Variants in COMMD7 observed in about 807,000 individuals in gnomAD.
COMMD7 encodes COMM domain containing 7.
In COMMD7, 28 loss-of-function variants were observed where a neutral mutation model predicts 34.8. That is an observed-to-expected ratio of 0.80 (90% CI 0.60 to 1.10). COMMD7 has a LOEUF of 1.10. Ranked by LOEUF, COMMD7 falls within the 50% of genes least tolerant of loss-of-function variation. The probability of loss-of-function intolerance (pLI) is 0.00; values close to 1 mark genes in which losing one functional copy is unlikely to be tolerated. For synonymous variants in COMMD7, 80 were observed against 86.4 expected, an observed-to-expected ratio of 0.93 and a Z score of 0.41; for missense variants, 211 against 241.6, an observed-to-expected ratio of 0.87 and a Z score of 0.84.
intron 3 of COMMD7, among the ~76,000 whole-genome samples, chr20:32,712,038 G>A (rs554215614): frequency 4.4e-4 from 67 of 151,644 alleles, no homozygotes; most frequent in Admixed American, 2.5e-3. Flanking sequence ...TTGGGAGTCC[G>A]AGGTGGGCAG....
At chr20:32,732,358 T>C (rs1350003797) in intron 1 of COMMD7, among the ~76,000 whole-genome samples, 8 of 152,050 alleles carry the variant, frequency 5.3e-5, no homozygotes, top group African/African-American at 1.4e-4. Flanking sequence ...CCCTAAGAAC[T>C]GGGATTATAG....
chr20:32,710,421 C>T (rs975247584), intron 3 of COMMD7, among the ~76,000 whole-genome samples: 8 of 152,018 alleles, frequency 5.3e-5, no homozygotes, highest in Non-Finnish European at 1.0e-4. Context: ...TGCAAGAATC[C>T]TTACAATGGA....
chr20:32,711,132 C>T lies in COMMD7; in HGVS notation c.242-4372G>A, dbSNP rs139561945. On this transcript the variant is annotated intron_variant, in intron 3 of 8. Coordinates refer to ENST00000278980, the MANE Select transcript of COMMD7 (RefSeq NM_053041.3). ...GTTACTTTGGCCGGGGGTGGTGGCT[C>T]ACGCCCATAATCCCAGCACTTTGGG... Among the ~76,000 whole-genome samples, 1,032 of 151,680 alleles carry T rather than the reference C, an allele frequency of 6.8e-3. 10 individuals carry two copies. The highest frequency in any genetic ancestry group is 0.024 in the African/African-American group (987 of 41,326).
chr20:32,725,121 A>G (rs1312425010), intron 3 of COMMD7, among the ~76,000 whole-genome samples: 1 of 151,900 alleles, frequency 6.6e-6, no homozygotes, highest in Non-Finnish European at 1.5e-5. Flanking sequence ...ATCCAACAAC[A>G]GGATATAGAT....
chr20:32,738,741 T>A (rs1203662343), intron 1 of COMMD7, among the ~76,000 whole-genome samples: 2 of 152,014 alleles, frequency 1.3e-5, no homozygotes, highest in Non-Finnish European at 2.9e-5. Context: ...TTTTATTTAC[T>A]TATTTATTTG....
chr20:32,732,820 C>CA (rs1473540822), intron 1 of COMMD7, among the ~76,000 whole-genome samples: 4 of 151,984 alleles, frequency 2.6e-5, no homozygotes, highest in Non-Finnish European at 4.4e-5. Flanking sequence ...CCTGTAGTCC[C>CA]AGCTACTCGG....
chr20:32,735,461 C>T (rs189912244), intron 1 of COMMD7, among the ~76,000 whole-genome samples: 5 of 151,114 alleles, frequency 3.3e-5, no homozygotes, highest in South Asian at 2.1e-4. Flanking sequence ...GGATTATAAG[C>T]GTGCACTACC....
intron 1 of COMMD7, among the ~76,000 whole-genome samples, chr20:32,728,814 C>T (rs1357138606): frequency 2.6e-5 from 4 of 152,098 alleles, no homozygotes; most frequent in African/African-American, 7.2e-5. Flanking sequence ...GATCTACCCA[C>T]GTCAGCCTCC....
At chr20:32,714,121 AAAC>A (rs1402501891) in intron 3 of COMMD7, among the ~76,000 whole-genome samples, 2 of 152,094 alleles carry the variant, frequency 1.3e-5, no homozygotes, top group Non-Finnish European at 2.9e-5. Flanking sequence ...TTAAAAACAA[AAAC>A]AAAAAAACCC....
At chr20:32,730,750 C>T (rs969058588) in intron 1 of COMMD7, among the ~76,000 whole-genome samples, 12 of 152,128 alleles carry the variant, frequency 7.9e-5, no homozygotes, top group Admixed American at 3.3e-4. Flanking sequence ...ACACAGCTTC[C>T]AATACTAACA....
At chr20:32,719,048 A>G (rs1984991386) in intron 3 of COMMD7, among the ~76,000 whole-genome samples, 1 of 152,186 alleles carries the variant, frequency 6.6e-6, no homozygotes, top group Non-Finnish European at 1.5e-5. Context: ...CACAGGCAGG[A>G]CCAGGTCAAA....
intron 3 of COMMD7, among the ~76,000 whole-genome samples, chr20:32,725,834 T>C (rs1985474809): frequency 6.6e-6 from 1 of 151,918 alleles, no homozygotes; most frequent in Non-Finnish European, 1.5e-5. Context: ...GCAGATCGCT[T>C]GAGCTCGGGA....
At chr20:32,726,646 T>G (rs906954980) in intron 3 of COMMD7, among the ~76,000 whole-genome samples, 1 of 152,004 alleles carries the variant, frequency 6.6e-6, no homozygotes, top group Admixed American at 6.6e-5. Flanking sequence ...GAGGTTGCGG[T>G]GAGCCAAGAC....
At chr20:32,717,804 A>G (rs1347848313) in intron 3 of COMMD7, among the ~76,000 whole-genome samples, 2 of 152,044 alleles carry the variant, frequency 1.3e-5, no homozygotes, top group Non-Finnish European at 2.9e-5. Context: ...ATAGTACAAG[A>G]AAAACATTTT....
intron 1 of COMMD7, among the ~76,000 whole-genome samples, chr20:32,739,160 C>T (rs1426511251): frequency 1.3e-5 from 2 of 152,086 alleles, no homozygotes; most frequent in Non-Finnish European, 2.9e-5. Context: ...GTTTCTTCGT[C>T]TGTAAAATGT....
chr20:32,706,524 AAAG>A, intron 5 of COMMD7, 56 bp downstream of exon 5: 10 of 1,427,304 alleles, frequency 7.0e-6, no homozygotes, highest in Non-Finnish European at 7.8e-6. Context: ...AAAAAAAAAA[AAAG>A]AAAGAAAAGC....
chr20:32,726,432 G>A (rs1948541022), intron 3 of COMMD7, among the ~76,000 whole-genome samples: 1 of 151,982 alleles, frequency 6.6e-6, no homozygotes, highest in South Asian at 2.1e-4. Context: ...CCAGGCACAG[G>A]GACTCACTCC....
At chr20:32,731,309 T>A (rs6058840) in intron 1 of COMMD7, among the ~76,000 whole-genome samples, 104,368 of 151,856 alleles carry the variant, frequency 0.69, 36,594 homozygotes, top group Middle Eastern at 0.82. Flanking sequence ...CAGAACAAGA[T>A]CCTAGCTCAA....
intron 1 of COMMD7, among the ~76,000 whole-genome samples, chr20:32,731,129 C>T (rs1476832619): frequency 2.0e-5 from 3 of 151,822 alleles, no homozygotes; most frequent in Non-Finnish European, 2.9e-5. Context: ...GCCAGGAGTT[C>T]GAGACCAGCT....
Sources: allele counts gnomAD v4.1 joint callset (sites outside exome capture counted in the v4.1 genomes callset), GRCh38; gene constraint gnomAD v4.1.1; transcripts MANE v1.5; gene names NCBI Gene and HGNC (gene_info 2026-07-23, HGNC 2026-07-21).